ARFGEF2: variants seen among roughly 807,000 people sequenced by gnomAD.
ARFGEF2 encodes the protein brefeldin A-inhibited guanine nucleotide-exchange protein 2.
Under a neutral mutation model 219.9 loss-of-function variants are expected in ARFGEF2, and 74 were observed. The observed-to-expected ratio is 0.34, with a 90% CI of 0.28 to 0.41. The LOEUF is 0.41. Ranked by LOEUF, ARFGEF2 falls within the 10% of genes least tolerant of loss-of-function variation. ARFGEF2 has a pLI of 1.00. For missense variants in ARFGEF2, 1,743 were observed against 2,218.3 expected (o/e 0.79, Z 4.30); for synonymous variants, 733 against 799.2 (o/e 0.92, Z 1.40).
intron 25 of ARFGEF2, among the ~76,000 whole-genome samples, chr20:48,998,841 A>T (rs2091407603): frequency 6.6e-6 from 1 of 152,168 alleles, no homozygotes; most frequent in Non-Finnish European, 1.5e-5. Flanking sequence ...CTTTTAAATG[A>T]CCTAATGTTA....
At chr20:48,979,170 A>G (rs1483159023) in intron 14 of ARFGEF2, among the ~76,000 whole-genome samples, 1 of 152,152 alleles carries the variant, frequency 6.6e-6, no homozygotes, top group Non-Finnish European at 1.5e-5. Context: ...GTTTATTGAG[A>G]GTTTTTAGCA....
intron 1 of ARFGEF2, among the ~76,000 whole-genome samples, chr20:48,926,058 T>C (rs1296882102): frequency 6.6e-6 from 1 of 152,210 alleles, no homozygotes; most frequent in Non-Finnish European, 1.5e-5. Flanking sequence ...CTCACTATTA[T>C]CATCATTCCC....
chr20:48,970,985 C>A lies in ARFGEF2; in HGVS notation c.1191-135C>A, dbSNP rs1180898453. The stretch of plus-strand genomic sequence containing the variant: ...GGACCCAACTCATGCCATCTGCCCT[C>A]ATTCTCCTGACATTTAGGTGCTATT... On this transcript the variant is annotated intron_variant, in intron 9 of 38. Transcript: ENST00000371917. 7.7e-6 allele frequency: 6 copies of A among 774,244 alleles called. No homozygotes were observed. In the East Asian group the frequency reaches 1.3e-4, roughly 17 times the overall value. The allele number at this position is 774,244 out of a possible 1,614,324, so 48.0% of individuals were successfully genotyped here. A position where few individuals can be genotyped will look rare whatever the true frequency, so the allele number is the denominator to read the frequency against.
At chr20:48,995,063 G>A (rs1568727425) in intron 22 of ARFGEF2, among the ~76,000 whole-genome samples, 1 of 152,138 alleles carries the variant, frequency 6.6e-6, no homozygotes, top group African/African-American at 2.4e-5. Flanking sequence ...GGTAATAATA[G>A]TAAATAGGGC....
chr20:48,984,969 T>G, intron 15 of ARFGEF2, 129 bp downstream of exon 15: 1 of 1,526,360 alleles, frequency 6.6e-7, no homozygotes, highest in Non-Finnish European at 8.9e-7. Flanking sequence ...TTATACATTG[T>G]CTATTGTCCA....
At chr20:49,004,296 G>A (rs957852067) in intron 25 of ARFGEF2, among the ~76,000 whole-genome samples, 2 of 151,738 alleles carry the variant, frequency 1.3e-5, no homozygotes, top group Non-Finnish European at 1.5e-5. Context: ...CCCAGGAGGT[G>A]GAGGTTGCCA....
At chr20:48,995,160 A>G (rs2091378724) in intron 22 of ARFGEF2, among the ~76,000 whole-genome samples, 1 of 152,148 alleles carries the variant, frequency 6.6e-6, no homozygotes, top group South Asian at 2.1e-4. Context: ...GAGAACAGGG[A>G]CTGTTATATT....
At chr20:48,928,779 C>T (rs913970681) in intron 1 of ARFGEF2, among the ~76,000 whole-genome samples, 1 of 152,264 alleles carries the variant, frequency 6.6e-6, no homozygotes, top group African/African-American at 2.4e-5. Context: ...CAGGCGTGAG[C>T]CACTGCGCCC....
intron 11 of ARFGEF2, 102 bp downstream of exon 11, chr20:48,972,527 T>C: frequency 2.1e-6 from 2 of 965,972 alleles, no homozygotes; most frequent in Non-Finnish European, 3.3e-6. Context: ...TTTTAAAGGA[T>C]TGGCAATAAA....
At chr20:48,984,922 C>T in intron 15 of ARFGEF2, 82 bp downstream of exon 15, 1 of 1,605,728 alleles carries the variant, frequency 6.2e-7, no homozygotes, top group Non-Finnish European at 8.5e-7. Flanking sequence ...TCGAGATTGT[C>T]TGGCCCTAAG....
In ARFGEF2 at chr20:48,953,658, A is replaced by C. The variant is rs1017267898; in HGVS notation, c.706A>C (p.Ser236Arg). 1.9e-6 allele frequency: 3 copies of C among 1,614,234 alleles called. No individual in the cohort carries two copies. In the Admixed American group the frequency reaches 5.0e-5, roughly 27 times the overall value. Reference protein sequence around the residue: ...VSPKFVRLKHSQAQSKPTTPE... With the variant: ...VSPKFVRLKHRQAQSKPTTPE... Reference sequence around the variant, plus strand: ...CCCAAAGTTCGTTCGTTTGAAGCACAGTCAGGCACAAAGCAAACCAACAAC... The same window carrying C: ...CCCAAAGTTCGTTCGTTTGAAGCACCGTCAGGCACAAAGCAAACCAACAAC... The change falls in exon 6 of 39, where the codon AGT becomes CGT. Residue 236 changes from serine to arginine, a missense_variant. Around this residue, in one of 5 missense-constraint regions of ARFGEF2, gnomAD observed 394 missense variants for 426.6 expected, o/e 0.92. Coordinates refer to ENST00000371917, the MANE Select transcript of ARFGEF2 (RefSeq NM_006420.3).
At chr20:49,022,802 T>C (rs1169922840) in intron 34 of ARFGEF2, among the ~76,000 whole-genome samples, 1 of 152,084 alleles carries the variant, frequency 6.6e-6, no homozygotes, top group Non-Finnish European at 1.5e-5. Context: ...AGTTTATTCA[T>C]TGCTGTGCCA....
intron 21 of ARFGEF2, among the ~76,000 whole-genome samples, chr20:48,992,458 G>C (rs1182502486): frequency 1.3e-5 from 2 of 152,136 alleles, no homozygotes; most frequent in Non-Finnish European, 1.5e-5. Flanking sequence ...GGACCACATG[G>C]CTCAGATTCA....
At position 48,922,021 on chromosome 20, in the gene ARFGEF2, C is replaced by T. The variant is rs1306434592; in HGVS notation, c.121+11C>T. 2 of 1,572,872 alleles carry T rather than the reference C, an allele frequency of 1.3e-6. No individual in the cohort carries two copies. Among genetic ancestry groups the T allele is most frequent in the Non-Finnish European group, 1.7e-6 (2 of 1,159,952 alleles). Reference sequence around the variant, plus strand: ...GCCAGGTGGCGCTCGGTGGGTGAGCCGCTCCCGCCCTGCCCCGCGCTGGCC... The same window carrying T: ...GCCAGGTGGCGCTCGGTGGGTGAGCTGCTCCCGCCCTGCCCCGCGCTGGCC... On this transcript the variant is annotated intron_variant, in intron 1 of 38. Transcript: ENST00000371917.
In ARFGEF2 at chr20:49,032,844, C is replaced by T. The variant is rs151213136; in HGVS notation, c.5182-179C>T. 1.8e-3 allele frequency among the ~76,000 whole-genome samples: 277 copies of T among 152,110 alleles called. 1 individual carries two copies. Among genetic ancestry groups the T allele is most frequent in the African/African-American group, 6.4e-3 (266 of 41,494 alleles). On this transcript the variant is annotated intron_variant, in intron 38 of 38. Coordinates refer to ENST00000371917, the MANE Select transcript of ARFGEF2 (RefSeq NM_006420.3). The stretch of plus-strand genomic sequence containing the variant: ...CTGAGCTCAAGCGATCCACCTGCCT[C>T]GGCCTCCCCAAGTGCTGGGATTATA...
At chr20:48,978,703 G>T (rs1568717916) in intron 14 of ARFGEF2, among the ~76,000 whole-genome samples, 2 of 152,086 alleles carry the variant, frequency 1.3e-5, no homozygotes, top group Admixed American at 6.6e-5. Context: ...CTTGTAAGTT[G>T]GATTCCTAGG....
At chr20:48,987,015 A>G (rs2091330366) in intron 16 of ARFGEF2, among the ~76,000 whole-genome samples, 1 of 152,186 alleles carries the variant, frequency 6.6e-6, no homozygotes, top group East Asian at 1.9e-4. Context: ...GAAACATTTT[A>G]ATAACTGTTT....
chr20:48,952,645 T>C, intron 4 of ARFGEF2, 60 bp from the exon 5 acceptor site: 2 of 1,549,814 alleles, frequency 1.3e-6, no homozygotes, highest in Non-Finnish European at 1.8e-6. Flanking sequence ...AGTGTGGCCA[T>C]AGGAGGGCAG....
chr20:48,993,261 C>T (rs1045814049), intron 21 of ARFGEF2, among the ~76,000 whole-genome samples: 4 of 152,148 alleles, frequency 2.6e-5, no homozygotes, highest in Admixed American at 2.0e-4. Context: ...GCTACCTCTG[C>T]GGTTGTCAGA....
Sources: gnomAD v4.1 joint callset for allele counts (sites outside exome capture counted in the v4.1 genomes callset) on GRCh38, gnomAD v4.1.1 for gene constraint, gnomAD v4.1.1 regional missense constraint, MANE v1.5 for transcripts, NCBI Gene and HGNC (gene_info 2026-07-23, HGNC 2026-07-21) for gene names.